NAV1: variants seen among roughly 807,000 people sequenced by gnomAD.
The protein encoded by NAV1 is pore membrane and/or filament interacting like protein 3.
Under a neutral mutation model 175.2 loss-of-function variants are expected in NAV1, and 18 were observed. The observed-to-expected ratio is 0.10, with a 90% CI of 0.07 to 0.15. NAV1 has a LOEUF of 0.15. Ranked by LOEUF, NAV1 falls within the 10% of genes least tolerant of loss-of-function variation. NAV1 has a pLI of 1.00. For synonymous variants in NAV1, 897 were observed against 978.7 expected (o/e 0.92, Z 1.56); for missense variants, 1,731 against 2,436.6 (o/e 0.71, Z 6.10).
intron 2 of NAV1, among the ~76,000 whole-genome samples, chr1:201,596,825 GT>G (rs1667361025): frequency 6.6e-6 from 1 of 151,984 alleles, no homozygotes; most frequent in Admixed American, 6.6e-5. Context: ...TTGTTTGTTT[GT>G]TTGTTTGTTT....
intron 3 of NAV1, among the ~76,000 whole-genome samples, chr1:201,762,111 G>A (rs994550188): frequency 2.6e-5 from 4 of 152,218 alleles, no homozygotes; most frequent in African/African-American, 7.2e-5. Flanking sequence ...AATGAGCTGT[G>A]TTTGCACCAC....
chr1:201,678,214 G>C (rs1670328733), intron 1 of NAV1, among the ~76,000 whole-genome samples: 1 of 152,182 alleles, frequency 6.6e-6, no homozygotes, highest in African/African-American at 2.4e-5. Context: ...GAACTGACTT[G>C]GCAGTGAGTT....
At chr1:201,675,880 C>T (rs1247241336) in intron 1 of NAV1, among the ~76,000 whole-genome samples, 1 of 152,222 alleles carries the variant, frequency 6.6e-6, no homozygotes. Flanking sequence ...GCAAACTTTT[C>T]ATTGGCCCAG....
Position 201,550,594 on chromosome 1 carries a change from CT to C in NAV1, c.-144+11253del, listed in dbSNP as rs1665827428. 2.0e-5 allele frequency among the ~76,000 whole-genome samples: 3 copies of C among 152,208 alleles called. No individual in the cohort carries two copies. In the South Asian group the frequency reaches 6.2e-4, roughly 31 times the overall value. On this transcript the variant is annotated intron_variant, in intron 1 of 33. Coordinates refer to the NAV1 transcript ENST00000685211. ...TACTGGATCAGAAGAAAAATTTTAT[CT>C]GTAAGTTATTTTCAAATAGAATGCA...
At chr1:201,684,524 G>GAGTGCA (rs1314856757) in intron 1 of NAV1, among the ~76,000 whole-genome samples, 2 of 148,668 alleles carry the variant, frequency 1.3e-5, no homozygotes, top group Admixed American at 6.7e-5. Flanking sequence ...GCCCAGGCTG[G>GAGTGCA]AGTGCAATGG....
At chr1:201,719,943 G>A (rs1415737425) in intron 3 of NAV1, among the ~76,000 whole-genome samples, 1 of 152,210 alleles carries the variant, frequency 6.6e-6, no homozygotes, top group Non-Finnish European at 1.5e-5. Context: ...AGAGAACTTG[G>A]AGGGATCTGG....
At chr1:201,771,088 G>A (rs1286563974) in intron 3 of NAV1, among the ~76,000 whole-genome samples, 2 of 151,992 alleles carry the variant, frequency 1.3e-5, no homozygotes, top group Admixed American at 6.5e-5. Flanking sequence ...GAGATCTCTG[G>A]GGACTCACTA....
rs1672224599 is a variant in NAV1 at position 201,718,348 on chromosome 1, G to A, written c.861-42G>A. ...ATGTGAGGGGACAGGGCACACGGCG[G>A]CTGTGCCAAGGACTAAGTAGTGCCT... is the stretch of plus-strand genomic sequence containing the variant. On this transcript the variant is annotated intron_variant, in intron 2 of 29. Transcript: ENST00000367296. This position sits in a 1 kb window ranked among gnomAD's most constrained non-coding sequence, Gnocchi z 4.8. 1 of 1,487,854 alleles carries A rather than the reference G, an allele frequency of 6.7e-7. No homozygotes were observed. Among genetic ancestry groups the A allele is most frequent in the Non-Finnish European group, 9.0e-7 (1 of 1,117,222 alleles). The allele number at this position is 1,487,854 out of a possible 1,614,324, so 92.2% of individuals were successfully genotyped here. A position where few individuals can be genotyped will look rare whatever the true frequency, so the allele number is the denominator to read the frequency against.
intron 1 of NAV1, among the ~76,000 whole-genome samples, chr1:201,576,048 C>G (rs776990811): frequency 6.6e-6 from 1 of 152,188 alleles, no homozygotes; most frequent in Non-Finnish European, 1.5e-5. Flanking sequence ...TCTTGCAAAA[C>G]TGTAGTACAA....
At chr1:201,771,001 TGCACAGAA>T (rs1459679863) in intron 3 of NAV1, among the ~76,000 whole-genome samples, 3 of 152,048 alleles carry the variant, frequency 2.0e-5, no homozygotes, top group Non-Finnish European at 4.4e-5. Flanking sequence ...CTTCATTGAA[TGCACAGAA>T]GTGGCTCACC....
intron 2 of NAV1, among the ~76,000 whole-genome samples, chr1:201,635,452 T>C (rs1445951005): frequency 6.6e-6 from 1 of 152,172 alleles, no homozygotes; most frequent in Non-Finnish European, 1.5e-5. Context: ...TTGTGGGCCC[T>C]TTATGATGTA....
At chr1:201,654,288 C>A (rs1158665652) in intron 1 of NAV1, among the ~76,000 whole-genome samples, 1 of 152,166 alleles carries the variant, frequency 6.6e-6, no homozygotes, top group Non-Finnish European at 1.5e-5. Context: ...GTAGCAGGAC[C>A]AAGTCACCTG....
chr1:201,808,011 C>T lies in NAV1; in HGVS notation c.3707C>T (p.Ser1236Leu), dbSNP rs201094427. 1.3e-5 allele frequency: 21 copies of T among 1,614,046 alleles called. No individual in the cohort carries two copies. Among genetic ancestry groups the T allele is most frequent in the African/African-American group, 2.7e-5 (2 of 74,900 alleles). Residue 1236 changes from serine (S) to leucine (L), a missense_variant, in exon 18 of 30, where the codon TCA (serine) becomes TTA (leucine). By Grantham distance (145) the Ser-to-Leu change is moderately radical (BLOSUM62 -2). Transcript: ENST00000367296. The surrounding 1 kb of genome is among the most constrained non-coding windows in gnomAD (Gnocchi z 5.5). ...AAAAAGGGGCCCAAGTCAGCTTCCT[C>T]ATACTCGGATATAGAGGAGATTGCT... is the stretch of plus-strand genomic sequence containing the variant.
rs1013335973 is a variant in NAV1 at position 201,740,364 on chromosome 1, G to A, written c.1226+21609G>A. Among the ~76,000 whole-genome samples, 1 of 152,226 alleles carries A rather than the reference G, an allele frequency of 6.6e-6. No homozygotes were observed. The highest frequency in any genetic ancestry group is 1.5e-5 in the Non-Finnish European group (1 of 68,042). Reference sequence around the variant, plus strand: ...AGGGAGTGGAAAGGGAAGGAAAGGAGCTTAGGCGCCCAGGAGACCTGGACG... The same window carrying A: ...AGGGAGTGGAAAGGGAAGGAAAGGAACTTAGGCGCCCAGGAGACCTGGACG... On this transcript the variant is annotated intron_variant, in intron 3 of 29. Coordinates refer to ENST00000367296, the Ensembl canonical transcript of NAV1. The surrounding 1 kb of genome is among the most constrained non-coding windows in gnomAD (Gnocchi z 4.7).
At chr1:201,647,099 C>G (rs1055253201), upstream of NAV1, among the ~76,000 whole-genome samples, 1 of 152,210 alleles carries the variant, frequency 6.6e-6, no homozygotes, top group African/African-American at 2.4e-5. Context: ...TGGGCCTACC[C>G]CTCCTGGAGC....
At chr1:201,579,653 G>T (rs769118880) in intron 1 of NAV1, among the ~76,000 whole-genome samples, 3 of 152,172 alleles carry the variant, frequency 2.0e-5, no homozygotes, top group Non-Finnish European at 2.9e-5. Flanking sequence ...ACTGTGCTTG[G>T]CCTCAGTCTA....
intron 28 of NAV1, among the ~76,000 whole-genome samples, chr1:201,814,360 A>C (rs1414765600): frequency 8.2e-6 from 1 of 121,552 alleles, no homozygotes; most frequent in Non-Finnish European, 1.9e-5. Context: ...ACAGAGTGAG[A>C]ACCTGTCTCA....
chr1:201,817,442 G>T, intron 29 of NAV1, 157 bp downstream of exon 33: 3 of 632,380 alleles, frequency 4.7e-6, no homozygotes, highest in Admixed American at 3.2e-5. Flanking sequence ...ATGAGACCCT[G>T]TCTGTATTTC....
rs774414647 is a variant in NAV1 at position 201,539,964 on chromosome 1, C to G, written c.-144+622C>G. ...CGTCTGGGAGCGGAGAAAGTGGTCC[C>G]GGAGGAGAGGGGAGAGAGGAGAACG... On this transcript the variant is annotated intron_variant, in intron 1 of 33. Transcript: ENST00000685211. The surrounding 1 kb of genome is among the most constrained non-coding windows in gnomAD (Gnocchi z 5.6). Among the ~76,000 whole-genome samples the G allele has an allele frequency of 6.6e-6, 1 of 152,192 alleles. No individual in the cohort carries two copies. Among genetic ancestry groups the G allele is most frequent in the African/African-American group, 2.4e-5 (1 of 41,454 alleles).
Sources: allele counts gnomAD v4.1 joint callset (sites outside exome capture counted in the v4.1 genomes callset), GRCh38; gene constraint gnomAD v4.1.1; non-coding constraint Gnocchi (gnomAD v3.1); transcripts MANE v1.5; gene names NCBI Gene and HGNC (gene_info 2026-07-23, HGNC 2026-07-21).